Variants in PPP6R3 observed in about 807,000 individuals in gnomAD.
PPP6R3 encodes the protein serine/threonine-protein phosphatase 6 regulatory subunit 3.
Under a neutral mutation model 110.7 loss-of-function variants are expected in PPP6R3, and 38 were observed. That is an observed-to-expected ratio of 0.34 (90% CI 0.26 to 0.45). The LOEUF (loss-of-function observed/expected upper bound fraction) is 0.45, where lower values mean the gene tolerates loss of function less well. Among genes scored for constraint, PPP6R3 ranks in the 20% least tolerant of loss-of-function variants. PPP6R3 has a pLI of 1.00. For missense variants in PPP6R3, 870 were observed against 1,062.4 expected (o/e 0.82, Z 2.52); for synonymous variants, 369 against 373.5 (o/e 0.99, Z 0.14).
chr11:68,590,188 G>A (rs1237463973), intron 16 of PPP6R3, among the ~76,000 whole-genome samples: 1 of 152,146 alleles, frequency 6.6e-6, no homozygotes, highest in Non-Finnish European at 1.5e-5. Flanking sequence ...CTCCCTCCTT[G>A]CTTTTCTAGA....
Position 68,614,678 on chromosome 11 carries a change from G to C in PPP6R3, c.*1561G>C, listed in dbSNP as rs2153986030. 1 of 1,523,054 alleles carries C rather than the reference G, an allele frequency of 6.6e-7. No homozygotes were observed. The highest frequency in any genetic ancestry group is 2.4e-5 in the East Asian group (1 of 40,840). 94.3% of individuals were successfully genotyped at this position (1,523,054 alleles called of 1,614,324 possible). ...CCCAGGACAGTGGAGTCAGCAGTAA[G>C]CCCTGGGACAGGTGGCAAGGGTGGG... On this transcript the variant is annotated 3_prime_UTR_variant, in exon 24 of 24. Transcript: ENST00000393800.
chr11:68,565,526 A>G (rs1453284444), intron 9 of PPP6R3, among the ~76,000 whole-genome samples: 2 of 152,020 alleles, frequency 1.3e-5, no homozygotes, highest in Admixed American at 1.3e-4. Flanking sequence ...AAGAAAAAGA[A>G]AAGATTTAGA....
At chr11:68,544,139 A>G (rs1452222447) in intron 3 of PPP6R3, among the ~76,000 whole-genome samples, 1 of 152,192 alleles carries the variant, frequency 6.6e-6, no homozygotes, top group Non-Finnish European at 1.5e-5. Context: ...ACTCTTGCCC[A>G]GGCTGGAGTG....
intron 2 of PPP6R3, among the ~76,000 whole-genome samples, chr11:68,534,697 T>C (rs539130848): frequency 1.3e-5 from 2 of 152,262 alleles, no homozygotes; most frequent in South Asian, 4.1e-4. Flanking sequence ...TTTTCTGATT[T>C]ATTTCTTAGT....
intron 3 of PPP6R3, among the ~76,000 whole-genome samples, chr11:68,543,871 A>T (rs1257926258): frequency 2.0e-5 from 3 of 152,156 alleles, no homozygotes; most frequent in Non-Finnish European, 2.9e-5. Flanking sequence ...GAGGAAATGG[A>T]CCTGCTGCCT....
chr11:68,520,570 A>C (rs2099159120), intron 2 of PPP6R3, among the ~76,000 whole-genome samples: 1 of 152,198 alleles, frequency 6.6e-6, no homozygotes, highest in Non-Finnish European at 1.5e-5. Flanking sequence ...CAGCTCCTGA[A>C]GAACAGTCCT....
At chr11:68,591,522 G>A in intron 17 of PPP6R3, 54 bp from the exon 18 acceptor site, 1 of 1,490,264 alleles carries the variant, frequency 6.7e-7, no homozygotes, top group Admixed American at 2.2e-5. Context: ...CTTAAGAGAA[G>A]ATAACTTGAC....
At position 68,549,555 on chromosome 11, in the gene PPP6R3, C is replaced by T. The variant is rs1417071597; in HGVS notation, c.552+1351C>T. Among the ~76,000 whole-genome samples the T allele has an allele frequency of 2.0e-5, 3 of 152,214 alleles. No homozygotes were observed. In the East Asian group the frequency reaches 5.8e-4, roughly 29 times the overall value. ...TGTTGGCAGGGACCTTAAATTGGGACACCTGTTTCCTTTTGGGTGTGTCTT... is the reference window on the plus strand; with the variant it reads ...TGTTGGCAGGGACCTTAAATTGGGATACCTGTTTCCTTTTGGGTGTGTCTT... On this transcript the variant is annotated intron_variant, in intron 5 of 23. Coordinates refer to ENST00000393800, the MANE Select transcript of PPP6R3 (RefSeq NM_001164161.2).
At chr11:68,469,540 AT>A (rs376996871) in intron 1 of PPP6R3, among the ~76,000 whole-genome samples, 2,166 of 140,978 alleles carry the variant, frequency 0.015, 20 homozygotes, top group Non-Finnish European at 0.017. Flanking sequence ...CACCCAGGTA[AT>A]TTTTTTTTTT....
intron 19 of PPP6R3, 128 bp from the exon 20 acceptor site, chr11:68,600,213 C>CCTCTCA: frequency 1.9e-6 from 2 of 1,040,264 alleles, no homozygotes; most frequent in Non-Finnish European, 2.9e-6. Flanking sequence ...TCCGCTCCTG[C>CCTCTCA]CCTCATTGGT....
At chr11:68,475,206 A>T (rs965320124) in intron 1 of PPP6R3, among the ~76,000 whole-genome samples, 2 of 152,192 alleles carry the variant, frequency 1.3e-5, no homozygotes, top group East Asian at 3.9e-4. Context: ...GACACAGCAC[A>T]TGTTTCAGAG....
chr11:68,507,325 T>A (rs2099084229), intron 1 of PPP6R3, among the ~76,000 whole-genome samples: 1 of 151,320 alleles, frequency 6.6e-6, no homozygotes, highest in South Asian at 2.1e-4. Context: ...CGGGCTGTAC[T>A]AAAATGGTTG....
rs1402727275 is a variant in PPP6R3 at position 68,613,484 on chromosome 11, CTT to C, written c.*369_*370del. 47 of 996,674 alleles carry C rather than the reference CTT, an allele frequency of 4.7e-5. No individual in the cohort carries two copies. The highest frequency in any genetic ancestry group is 3.0e-4 in the Admixed American group (5 of 16,604). The allele number at this position is 996,674 out of a possible 1,614,324, so 61.7% of individuals were successfully genotyped here. A position where few individuals can be genotyped will look rare whatever the true frequency, so the allele number is the denominator to read the frequency against. On this transcript the variant is annotated 3_prime_UTR_variant, in exon 24 of 24. Coordinates refer to ENST00000393800, the MANE Select transcript of PPP6R3 (RefSeq NM_001164161.2). ...CAGATCTATTGTATTTGAAACATAACTTTGACAATTATTAGTGTGACCAAAGT... is the reference window on the plus strand; with the variant it reads ...CAGATCTATTGTATTTGAAACATAACTGACAATTATTAGTGTGACCAAAGT...
chr11:68,587,799 A>G (rs1166867125), intron 15 of PPP6R3, 128 bp from the exon 16 acceptor site: 40 of 868,756 alleles, frequency 4.6e-5, no homozygotes, highest in Non-Finnish European at 7.3e-5. Flanking sequence ...TTCTTTTAGA[A>G]AAACACACCA....
chr11:68,514,848 G>T (rs2099128173), intron 1 of PPP6R3, among the ~76,000 whole-genome samples: 1 of 152,190 alleles, frequency 6.6e-6, no homozygotes, highest in Admixed American at 6.5e-5. Context: ...GCCTCCCAAA[G>T]TGCTGGGATT....
At chr11:68,608,785 C>T (rs970507551) in intron 22 of PPP6R3, among the ~76,000 whole-genome samples, 17 of 152,056 alleles carry the variant, frequency 1.1e-4, no homozygotes, top group African/African-American at 3.6e-4. Flanking sequence ...TCCCAGTTAG[C>T]GACTCAGAAT....
chr11:68,531,307 T>TTTA (rs143892274), intron 2 of PPP6R3, among the ~76,000 whole-genome samples: 34 of 136,952 alleles, frequency 2.5e-4, no homozygotes, highest in Non-Finnish European at 3.7e-4. Flanking sequence ...TGAGACTGTG[T>TTTA]TTTATTTATT....
chr11:68,531,683 A>G (rs1430463307), intron 2 of PPP6R3, among the ~76,000 whole-genome samples: 1 of 152,212 alleles, frequency 6.6e-6, no homozygotes, highest in East Asian at 1.9e-4. Flanking sequence ...ATTGTTGGAT[A>G]TATTCATTGC....
intron 2 of PPP6R3, among the ~76,000 whole-genome samples, chr11:68,535,007 T>TA (rs751236744): frequency 6.6e-6 from 1 of 152,252 alleles, no homozygotes; most frequent in Non-Finnish European, 1.5e-5. Context: ...ATAATAAAGT[T>TA]ACTTTGTTTG....
Sources: allele counts gnomAD v4.1 joint callset (sites outside exome capture counted in the v4.1 genomes callset), GRCh38; gene constraint gnomAD v4.1.1; transcripts MANE v1.5; gene names NCBI Gene and HGNC (gene_info 2026-07-23, HGNC 2026-07-21).